PRKD1: variants seen among roughly 807,000 people sequenced by gnomAD.
PRKD1 encodes the protein serine/threonine-protein kinase D1.
Under a neutral mutation model 95.9 loss-of-function variants are expected in PRKD1, and 63 were observed. The observed-to-expected ratio is 0.66, with a 90% CI of 0.54 to 0.81. The LOEUF (loss-of-function observed/expected upper bound fraction) is 0.81. Ranked by LOEUF, PRKD1 falls within the 30% of genes least tolerant of loss-of-function variation. The pLI, the probability that PRKD1 is intolerant of heterozygous loss-of-function variation, is 0.00. For missense variants in PRKD1, 1,048 were observed against 1,165.3 expected (o/e 0.90, Z 1.47); for synonymous variants, 425 against 423.1 (o/e 1.00, Z -0.05).
chr14:29,801,933 C>T (rs1325708420), intron 1 of PRKD1, among the ~76,000 whole-genome samples: 4 of 152,200 alleles, frequency 2.6e-5, no homozygotes, highest in Non-Finnish European at 4.4e-5. Context: ...GGTGATCCAC[C>T]CGCCTCAGCC....
At chr14:29,774,700 C>A (rs1405463405) in intron 1 of PRKD1, among the ~76,000 whole-genome samples, 1 of 151,978 alleles carries the variant, frequency 6.6e-6, no homozygotes, top group Non-Finnish European at 1.5e-5. Context: ...ATTTATAAGT[C>A]ATTATCTTCA....
At chr14:29,624,297 A>G (rs1879471663) in intron 12 of PRKD1, 39 bp from the exon 13 acceptor site, 4 of 1,435,868 alleles carry the variant, frequency 2.8e-6, no homozygotes, top group African/African-American at 2.8e-5. Flanking sequence ...AAGTTATTAA[A>G]TATCATCTAT....
intron 13 of PRKD1, among the ~76,000 whole-genome samples, chr14:29,617,727 A>G (rs1878961113): frequency 6.6e-6 from 1 of 152,196 alleles, no homozygotes; most frequent in Admixed American, 6.5e-5. Context: ...TTTAAATTAT[A>G]AAATACATTA....
intron 1 of PRKD1, among the ~76,000 whole-genome samples, chr14:29,757,551 G>A (rs1177597294): frequency 6.6e-6 from 1 of 152,010 alleles, no homozygotes; most frequent in Non-Finnish European, 1.5e-5. Context: ...TGGCAGGAGA[G>A]GTGGCTGGGA....
Position 29,594,224 on chromosome 14 carries a change from T to C in PRKD1, c.2434+3267A>G, listed in dbSNP as rs1158255557. On this transcript the variant is annotated intron_variant, in intron 16 of 17. Transcript: ENST00000331968. Reference sequence around the variant, plus strand: ...GAAATTTGTAATTCTGACACATCTATGCATGTTATTAAGATTGTAACTTAT... The same window carrying C: ...GAAATTTGTAATTCTGACACATCTACGCATGTTATTAAGATTGTAACTTAT... 7.2e-6 allele frequency: 3 copies of C among 418,662 alleles called. No homozygotes were observed. In the Admixed American group the frequency reaches 8.9e-5, roughly 12 times the overall value. 25.9% of individuals were successfully genotyped at this position (418,662 alleles called of 1,614,324 possible). A position where few individuals can be genotyped will look rare whatever the true frequency, so the allele number is the denominator to read the frequency against.
intron 2 of PRKD1, among the ~76,000 whole-genome samples, chr14:29,681,939 A>C (rs1015491427): frequency 3.9e-5 from 6 of 152,240 alleles, no homozygotes; most frequent in Non-Finnish European, 2.9e-5. Flanking sequence ...GAAAATGAAC[A>C]GTTAAGCTTT....
chr14:29,922,333 A>C (rs71407669), intron 1 of PRKD1, among the ~76,000 whole-genome samples: 16,662 of 151,562 alleles, frequency 0.11, 1,157 homozygotes, highest in East Asian at 0.31. Flanking sequence ...TAAAGAAAAA[A>C]AGAAAAATGT....
intron 1 of PRKD1, among the ~76,000 whole-genome samples, chr14:29,860,886 C>T (rs1892686300): frequency 6.6e-6 from 1 of 152,106 alleles, no homozygotes; most frequent in Admixed American, 6.5e-5. Context: ...ACTGACATTC[C>T]ACTAAACCAA....
chr14:29,820,631 G>A (rs1479153984), intron 1 of PRKD1, among the ~76,000 whole-genome samples: 1 of 152,114 alleles, frequency 6.6e-6, no homozygotes. Flanking sequence ...CAGTATGGTT[G>A]GGAACACAGC....
intron 2 of PRKD1, among the ~76,000 whole-genome samples, chr14:29,703,331 C>T (rs950077347): frequency 6.6e-6 from 1 of 152,206 alleles, no homozygotes; most frequent in Non-Finnish European, 1.5e-5. Flanking sequence ...AAGCCCTGCG[C>T]TGCACAGGGT....
chr14:29,746,480 T>G (rs1383714901), intron 1 of PRKD1, among the ~76,000 whole-genome samples: 1 of 152,068 alleles, frequency 6.6e-6, no homozygotes, highest in African/African-American at 2.4e-5. Context: ...CTGATTCAGG[T>G]TTCTGTCTAA....
At chr14:29,757,282 T>C (rs997550579) in intron 1 of PRKD1, among the ~76,000 whole-genome samples, 1 of 152,146 alleles carries the variant, frequency 6.6e-6, no homozygotes, top group Non-Finnish European at 1.5e-5. Flanking sequence ...GGGATGAAAG[T>C]TATTTCCTGC....
chr14:29,583,707 A>C (rs542316289), intron 16 of PRKD1, among the ~76,000 whole-genome samples: 1 of 152,230 alleles, frequency 6.6e-6, no homozygotes, highest in South Asian at 2.1e-4. Flanking sequence ...CTTATGGAAA[A>C]ATTTTAAACA....
chr14:29,848,023 G>A (rs1430639718), intron 1 of PRKD1, among the ~76,000 whole-genome samples: 1 of 152,066 alleles, frequency 6.6e-6, no homozygotes, highest in Admixed American at 6.6e-5. Context: ...GTCTATTGAA[G>A]GCTTACGACT....
chr14:29,688,094 T>C lies in PRKD1; in HGVS notation c.404-21886A>G, dbSNP rs192050585. ...TTCTTCTGGAGTTTCCTGGAAATAATACATTTTCTTGCCTTTCCAGCTTTT... is the reference window on the plus strand; with the variant it reads ...TTCTTCTGGAGTTTCCTGGAAATAACACATTTTCTTGCCTTTCCAGCTTTT... On this transcript the variant is annotated intron_variant, in intron 2 of 17. Transcript: ENST00000331968. 2.5e-4 allele frequency among the ~76,000 whole-genome samples: 38 copies of C among 152,288 alleles called. No homozygotes were observed. In the East Asian group the frequency reaches 6.8e-3, roughly 27 times the overall value.
At chr14:29,779,735 G>A (rs1022914975) in intron 1 of PRKD1, among the ~76,000 whole-genome samples, 1 of 152,134 alleles carries the variant, frequency 6.6e-6, no homozygotes, top group Non-Finnish European at 1.5e-5. Flanking sequence ...TAGATTCAAT[G>A]CCATCTCCAT....
chr14:29,605,512 T>C (rs1375475624), intron 13 of PRKD1, among the ~76,000 whole-genome samples: 3 of 152,270 alleles, frequency 2.0e-5, no homozygotes, highest in East Asian at 3.9e-4. Context: ...TATTCAGCTG[T>C]CAGGTAACTT....
chr14:29,917,040 TA>T (rs1214872402), intron 1 of PRKD1, among the ~76,000 whole-genome samples: 1 of 152,068 alleles, frequency 6.6e-6, no homozygotes, highest in East Asian at 1.9e-4. Flanking sequence ...TGTGAGGAGT[TA>T]GAAGGGAGGG....
At chr14:29,786,361 G>C (rs550956440) in intron 1 of PRKD1, among the ~76,000 whole-genome samples, 14 of 152,146 alleles carry the variant, frequency 9.2e-5, no homozygotes, top group African/African-American at 3.4e-4. Context: ...TTTTAGACTG[G>C]GTTAGGAAGA....
Sources: allele counts gnomAD v4.1 joint callset (sites outside exome capture counted in the v4.1 genomes callset), GRCh38; gene constraint gnomAD v4.1.1; transcripts MANE v1.5; gene names NCBI Gene and HGNC (gene_info 2026-07-23, HGNC 2026-07-21).